The following PTPRD variants were observed in gnomAD, a reference collection of about 807,000 sequenced individuals.
PTPRD encodes the protein receptor-type tyrosine-protein phosphatase delta.
PTPRD carries 34 observed loss-of-function variants against 214.5 expected under a neutral mutation model. The observed-to-expected ratio is 0.16, with a 90% CI of 0.12 to 0.21. The LOEUF is 0.21. Among genes scored for constraint, PTPRD ranks in the 10% least tolerant of loss-of-function variants. The probability of loss-of-function intolerance (pLI) is 1.00; values close to 1 mark genes in which losing one functional copy is unlikely to be tolerated. For missense variants in PTPRD, 2,545 were observed against 2,398.7 expected, an observed-to-expected ratio of 1.06 and a Z score of -1.27; for synonymous variants, 1,128 against 845.7, an observed-to-expected ratio of 1.33 and a Z score of -5.79.
At position 10,182,378 on chromosome 9, in the gene PTPRD, A is replaced by C. The variant is rs529973675; in HGVS notation, c.-544-148588T>G. On this transcript the variant is annotated intron_variant, in intron 3 of 45. Transcript: ENST00000381196. ...AAATAAATGTATGGATAAAAGCATC[A>C]GAGAATATACTTGGAATGTCTAAAT... is the stretch of plus-strand genomic sequence containing the variant. Among the ~76,000 whole-genome samples, 13 of 152,236 alleles carry C rather than the reference A, an allele frequency of 8.5e-5. No individual in the cohort carries two copies. In the South Asian group the frequency reaches 2.7e-3, roughly 32 times the overall value.
intron 10 of PTPRD, among the ~76,000 whole-genome samples, chr9:9,100,393 T>C (rs1569541644): frequency 6.6e-6 from 1 of 152,152 alleles, no homozygotes; most frequent in Non-Finnish European, 1.5e-5. Flanking sequence ...TGAAAATGTA[T>C]CTGTAGTGAC....
intron 11 of PTPRD, among the ~76,000 whole-genome samples, chr9:8,901,573 G>T (rs1468054516): frequency 6.6e-6 from 1 of 152,146 alleles, no homozygotes; most frequent in Non-Finnish European, 1.5e-5. Flanking sequence ...ACTTATCCAA[G>T]CTCTCAGCAG....
In PTPRD at chr9:8,507,321, C is replaced by G. The variant is rs750349056; in HGVS notation, c.1657G>C (p.Asp553His). 17 of 1,613,802 alleles carry G rather than the reference C, an allele frequency of 1.1e-5. No individual in the cohort carries two copies. The African/African-American group carries it at 2.0e-4, about 19-fold the overall frequency. The change falls in exon 22 of 46, where the codon GAT becomes CAT. Residue 553 changes from aspartate to histidine, a missense_variant. Transcript: ENST00000381196. ...CTTACCTCCTCTCCATGCTCCCCAT[C>G]TTTGTAGACCAGTTCATAGTTGGCA... ...TIANYELVYK[D>H]GEHGEEQRIT...
chr9:10,315,142 T>C (rs1428792169), intron 3 of PTPRD, among the ~76,000 whole-genome samples: 4 of 152,006 alleles, frequency 2.6e-5, no homozygotes, highest in Admixed American at 2.0e-4. Flanking sequence ...TATGATTCAT[T>C]TTTTATATGA....
chr9:8,372,038 T>C, intron 39 of PTPRD, among the ~76,000 whole-genome samples: 1 of 152,092 alleles, frequency 6.6e-6, no homozygotes, highest in East Asian at 1.9e-4. Context: ...ATTTTAAGAG[T>C]TGAAAGGTTT....
chr9:8,525,865 G>A (rs561327334), intron 17 of PTPRD, among the ~76,000 whole-genome samples: 1 of 152,124 alleles, frequency 6.6e-6, no homozygotes, highest in East Asian at 1.9e-4. Context: ...AATGCACACT[G>A]AGTCGAAGTA....
intron 4 of PTPRD, among the ~76,000 whole-genome samples, chr9:10,025,491 C>A (rs539095458): frequency 6.6e-6 from 1 of 152,058 alleles, no homozygotes; most frequent in African/African-American, 2.4e-5. Flanking sequence ...AACCATTAGA[C>A]AGCCAGATTT....
At chr9:10,304,681 C>T (rs1479545074) in intron 3 of PTPRD, among the ~76,000 whole-genome samples, 1 of 152,018 alleles carries the variant, frequency 6.6e-6, no homozygotes, top group East Asian at 1.9e-4. Flanking sequence ...GAAAAAAATA[C>T]CTAGGAATCT....
chr9:9,751,947 CAG>C (rs977310606), intron 6 of PTPRD, among the ~76,000 whole-genome samples: 1 of 152,044 alleles, frequency 6.6e-6, no homozygotes, highest in Non-Finnish European at 1.5e-5. Context: ...AAAATAGTAA[CAG>C]TGGTGGGATA....
intron 11 of PTPRD, among the ~76,000 whole-genome samples, chr9:8,992,894 G>A (rs1439716273): frequency 6.6e-6 from 1 of 152,080 alleles, no homozygotes; most frequent in African/African-American, 2.4e-5. Flanking sequence ...CTGTTTCCAT[G>A]CCAGCATTCC....
intron 9 of PTPRD, among the ~76,000 whole-genome samples, chr9:9,225,354 G>GC (rs1190443073): frequency 1.3e-5 from 2 of 151,990 alleles, no homozygotes; most frequent in Non-Finnish European, 1.5e-5. Flanking sequence ...CACTGAACAA[G>GC]CCTTAACATC....
At chr9:9,425,880 A>G (rs1475208946) in intron 8 of PTPRD, among the ~76,000 whole-genome samples, 3 of 151,872 alleles carry the variant, frequency 2.0e-5, no homozygotes, top group African/African-American at 7.3e-5. Flanking sequence ...TGAAGAAAAA[A>G]TGAATGCAAC....
intron 14 of PTPRD, among the ~76,000 whole-genome samples, chr9:8,596,765 C>T (rs900616093): frequency 1.3e-5 from 2 of 152,062 alleles, no homozygotes; most frequent in Non-Finnish European, 2.9e-5. Context: ...TAATCCTTAT[C>T]TAAGCTAGGC....
intron 5 of PTPRD, among the ~76,000 whole-genome samples, chr9:9,918,224 T>C (rs1012436308): frequency 6.6e-6 from 1 of 151,518 alleles, no homozygotes; most frequent in Non-Finnish European, 1.5e-5. Context: ...AAAATCAATA[T>C]GAAAATTAAG....
intron 5 of PTPRD, among the ~76,000 whole-genome samples, chr9:9,827,594 T>C (rs1215024399): frequency 6.6e-6 from 1 of 152,132 alleles, no homozygotes; most frequent in South Asian, 2.1e-4. Flanking sequence ...GACACAGGCA[T>C]GGGCAAGGAC....
In PTPRD at chr9:8,426,991, G is replaced by A. The variant is rs189861045; in HGVS notation, c.4086+9601C>T. ...AATGTTTCTTCTAAGGTGAGCTGCTGTGTCTTTGTGTTCTACTAGATTTGT... is the reference window on the plus strand; with the variant it reads ...AATGTTTCTTCTAAGGTGAGCTGCTATGTCTTTGTGTTCTACTAGATTTGT... On this transcript the variant is annotated intron_variant, in intron 35 of 45. Coordinates refer to ENST00000381196, the MANE Select transcript of PTPRD (RefSeq NM_002839.4). 2.6e-4 allele frequency among the ~76,000 whole-genome samples: 40 copies of A among 152,248 alleles called. 1 individual carries two copies. The East Asian group carries it at 5.0e-3, about 19-fold the overall frequency.
chr9:9,225,257 C>T (rs891036796), intron 9 of PTPRD, among the ~76,000 whole-genome samples: 3 of 151,966 alleles, frequency 2.0e-5, no homozygotes, highest in Non-Finnish European at 4.4e-5. Context: ...ATGATTAGCT[C>T]ATCTGATCCA....
At chr9:10,422,067 A>T (rs2098550727) in intron 2 of PTPRD, among the ~76,000 whole-genome samples, 1 of 152,016 alleles carries the variant, frequency 6.6e-6, no homozygotes, top group Non-Finnish European at 1.5e-5. Context: ...ACTATACTAC[A>T]AGGATACAGT....
At chr9:10,266,992 C>T (rs562155737) in intron 3 of PTPRD, among the ~76,000 whole-genome samples, 76 of 151,868 alleles carry the variant, frequency 5.0e-4, no homozygotes, top group African/African-American at 1.8e-3. Context: ...AGTTCGAGAC[C>T]AGCCTGGCTA....
Sources: gnomAD v4.1 joint callset for allele counts (sites outside exome capture counted in the v4.1 genomes callset) on GRCh38, gnomAD v4.1.1 for gene constraint, MANE v1.5 for transcripts, NCBI Gene and HGNC (gene_info 2026-07-23, HGNC 2026-07-21) for gene names.